RORB: variants seen among roughly 807,000 people sequenced by gnomAD.
RORB encodes the protein RAR related orphan receptor B.
In RORB, 6 loss-of-function variants were observed where a neutral mutation model predicts 59.1. The ratio of observed to expected loss-of-function variants is 0.10; its 90% CI spans 0.06 to 0.20. RORB has a LOEUF of 0.20. Among genes scored for constraint, RORB ranks in the 10% least tolerant of loss-of-function variants. The pLI, the probability that RORB is intolerant of heterozygous loss-of-function variation, is 1.00. For missense variants in RORB, 320 were observed against 560.5 expected, an observed-to-expected ratio of 0.57 and a Z score of 4.33; for synonymous variants, 215 against 204.5, an observed-to-expected ratio of 1.05 and a Z score of -0.44.
chr9:74,674,269 C>T (rs1189297718), intron 9 of RORB, among the ~76,000 whole-genome samples: 2 of 152,120 alleles, frequency 1.3e-5, no homozygotes, highest in Non-Finnish European at 2.9e-5. Context: ...TTCCACAATA[C>T]CTCTAAAACA....
intron 4 of RORB, among the ~76,000 whole-genome samples, chr9:74,643,333 T>C (rs1823842046): frequency 6.6e-6 from 1 of 152,224 alleles, no homozygotes; most frequent in Non-Finnish European, 1.5e-5. Flanking sequence ...GAAATCTGAA[T>C]TCAAGAATTC....
chr9:74,668,047 T>C, intron 8 of RORB, 146 bp downstream of exon 8: 1 of 600,398 alleles, frequency 1.7e-6, no homozygotes, highest in Non-Finnish European at 2.9e-6. Context: ...TTTTGGACAG[T>C]GAAAAGGGAA....
At position 74,685,374 on chromosome 9, in the gene RORB, C is replaced by T. The variant is rs970321210; in HGVS notation, c.1225-89C>T. 8 of 1,065,516 alleles carry T rather than the reference C, an allele frequency of 7.5e-6. No homozygotes were observed. In the Admixed American group the frequency reaches 1.6e-4, roughly 21 times the overall value. The allele number at this position is 1,065,516 out of a possible 1,614,324, so 66.0% of individuals were successfully genotyped here. A position where few individuals can be genotyped will look rare whatever the true frequency, so the allele number is the denominator to read the frequency against. On this transcript the variant is annotated intron_variant, in intron 9 of 9. Coordinates refer to ENST00000376896, the MANE Select transcript of RORB (RefSeq NM_006914.4). ...ATCTTTTTCCAAAGCCTTTTACCTT[C>T]ATCTGGGGCCAGAAAGGACACTGGT...
At chr9:74,651,227 G>A (rs549521877) in intron 4 of RORB, among the ~76,000 whole-genome samples, 5 of 152,164 alleles carry the variant, frequency 3.3e-5, no homozygotes, top group African/African-American at 7.2e-5. Flanking sequence ...TCCCCCATGC[G>A]TCACAACAAA....
intron 4 of RORB, among the ~76,000 whole-genome samples, chr9:74,657,468 C>A (rs191905143): frequency 6.6e-6 from 1 of 152,094 alleles, no homozygotes; most frequent in Non-Finnish European, 1.5e-5. Context: ...CAGAAATTAC[C>A]TAGCCTACAG....
At chr9:74,567,072 G>A (rs537835388) in intron 1 of RORB, among the ~76,000 whole-genome samples, 1 of 151,808 alleles carries the variant, frequency 6.6e-6, no homozygotes, top group African/African-American at 2.4e-5. Context: ...CTGTCGCCCA[G>A]GCTGGAGTGC....
At chr9:74,544,974 A>G (rs1826465543) in intron 1 of RORB, among the ~76,000 whole-genome samples, 1 of 152,186 alleles carries the variant, frequency 6.6e-6, no homozygotes, top group Admixed American at 6.5e-5. Context: ...TCATCCTAAA[A>G]TGGGGATTAG....
chr9:74,518,331 A>T (rs1212484053), intron 1 of RORB, among the ~76,000 whole-genome samples: 2 of 151,982 alleles, frequency 1.3e-5, no homozygotes, highest in Non-Finnish European at 2.9e-5. Context: ...TTTCTACCGA[A>T]TGGGCATTTA....
rs1276991065 is a variant in RORB, at chr9:74,685,687, A to G, written c.*69A>G. ...TTAAGACAAAAGCAATGTGTTCATG[A>G]AGACTTAAGAAAAATGTCACTACTG... is the stretch of plus-strand genomic sequence containing the variant. On this transcript the variant is annotated 3_prime_UTR_variant, in exon 10 of 10. Coordinates refer to ENST00000376896, the MANE Select transcript of RORB (RefSeq NM_006914.4). The G allele has an allele frequency of 2.1e-5, 27 of 1,260,278 alleles. No individual in the cohort carries two copies. Among genetic ancestry groups the G allele is most frequent in the Non-Finnish European group, 2.9e-5 (27 of 937,390 alleles). The allele number at this position is 1,260,278 out of a possible 1,614,324, so 78.1% of individuals were successfully genotyped here.
At chr9:74,529,796 T>A (rs1003614423) in intron 1 of RORB, among the ~76,000 whole-genome samples, 1 of 151,926 alleles carries the variant, frequency 6.6e-6, no homozygotes, top group East Asian at 1.9e-4. Context: ...AAATTATAGA[T>A]TTTTAAAATT....
intron 4 of RORB, among the ~76,000 whole-genome samples, chr9:74,647,550 A>C (rs955895783): frequency 6.6e-6 from 1 of 152,238 alleles, no homozygotes; most frequent in Non-Finnish European, 1.5e-5. Context: ...AGACAATGAA[A>C]TGTGAATTAA....
intron 9 of RORB, among the ~76,000 whole-genome samples, chr9:74,674,645 C>T (rs905978702): frequency 2.0e-5 from 3 of 152,100 alleles, no homozygotes; most frequent in Admixed American, 6.6e-5. Context: ...CAAACTTTAA[C>T]CTTAGAAGGT....
Position 74,690,717 on chromosome 9 carries a change from T to C in RORB, c.*5099T>C, listed in dbSNP as rs1824727543. 1 of 152,176 alleles carries C rather than the reference T, an allele frequency of 6.6e-6. No homozygotes were observed. Among genetic ancestry groups the C allele is most frequent in the Non-Finnish European group, 1.5e-5 (1 of 68,028 alleles). The allele number at this position is 152,176 out of a possible 1,614,324, so 9.4% of individuals were successfully genotyped here. A position where few individuals can be genotyped will look rare whatever the true frequency, so the allele number is the denominator to read the frequency against. ...TTCCCCTTCTAATACTCAATTTTGT[T>C]TTGGTATTTGATTGTCACAACTAGA... On this transcript the variant is annotated 3_prime_UTR_variant, in exon 10 of 10. Transcript: ENST00000376896.
At chr9:74,549,023 T>G (rs953180573) in intron 1 of RORB, among the ~76,000 whole-genome samples, 4 of 152,232 alleles carry the variant, frequency 2.6e-5, no homozygotes, top group African/African-American at 9.6e-5. Context: ...TTTATTTAAA[T>G]CTTTGACCAC....
intron 1 of RORB, among the ~76,000 whole-genome samples, chr9:74,574,509 C>T (rs1587365885): frequency 6.6e-6 from 1 of 151,930 alleles, no homozygotes; most frequent in African/African-American, 2.4e-5. Context: ...TTAAGGAGCT[C>T]TAAAAAATAA....
At chr9:74,661,273 A>G (rs1023637220) in intron 5 of RORB, among the ~76,000 whole-genome samples, 1 of 152,208 alleles carries the variant, frequency 6.6e-6, no homozygotes, top group Non-Finnish European at 1.5e-5. Flanking sequence ...AGTTTTTAAG[A>G]GGAATTTATT....
rs116595086 is a variant in RORB at position 74,599,728 on chromosome 9, G to A, written c.8-30554G>A. Among the ~76,000 whole-genome samples, 969 of 152,272 alleles carry A rather than the reference G, an allele frequency of 6.4e-3. 10 individuals are homozygous for A. Among genetic ancestry groups the A allele is most frequent in the African/African-American group, 0.022 (913 of 41,552 alleles). On this transcript the variant is annotated intron_variant, in intron 1 of 9. Transcript: ENST00000376896. ...TTCAATGACGTGCCCAAGGTCATAA[G>A]GCTGAGTCGTGGCAGGGCCAGAACT...
rs13285625 is a variant in RORB at position 74,658,023 on chromosome 9, A to G, written c.638-2594A>G. ...CGGTCTCAAAAAAAAAAAAAAAAAA[A>G]AAAAAGAAAAGAAAAGAAAAGCCAA... On this transcript the variant is annotated intron_variant, in intron 4 of 9. Coordinates refer to ENST00000376896, the MANE Select transcript of RORB (RefSeq NM_006914.4). 2.4e-4 allele frequency among the ~76,000 whole-genome samples: 34 copies of G among 141,638 alleles called. No individual in the cohort carries two copies. In the South Asian group the frequency reaches 5.7e-3, roughly 24 times the overall value. The allele number at this position is 141,638 out of a possible 152,430, so 92.9% of individuals were successfully genotyped here.
At chr9:74,660,534 G>T (rs1253346489) in intron 4 of RORB, 83 bp from the exon 5 acceptor site, 3 of 1,279,140 alleles carry the variant, frequency 2.3e-6, no homozygotes, top group Admixed American at 4.9e-5. Flanking sequence ...TCTCCAAAAG[G>T]CATTCTTATA....
Sources: gnomAD v4.1 joint callset for allele counts (sites outside exome capture counted in the v4.1 genomes callset) on GRCh38, gnomAD v4.1.1 for gene constraint, MANE v1.5 for transcripts, NCBI Gene and HGNC (gene_info 2026-07-23, HGNC 2026-07-21) for gene names.